Variants in KIF3C observed in about 807,000 individuals in gnomAD.
The protein encoded by KIF3C is kinesin-like protein KIF3C.
KIF3C carries 12 observed loss-of-function variants against 67.7 expected under a neutral mutation model. The observed-to-expected ratio is 0.18, with a 90% confidence interval of 0.11 to 0.29. The LOEUF (loss-of-function observed/expected upper bound fraction) is 0.29. KIF3C is among the 10% of genes least tolerant of loss of function. The probability of loss-of-function intolerance (pLI) is 1.00; values close to 1 mark genes in which losing one functional copy is unlikely to be tolerated. For missense variants in KIF3C, 789 were observed against 1,059.6 expected, an observed-to-expected ratio of 0.74 and a Z score of 3.55; for synonymous variants, 393 against 426.2, an observed-to-expected ratio of 0.92 and a Z score of 0.96.
chr2:25,976,887 T>C (rs1481708054), intron 1 of KIF3C, among the ~76,000 whole-genome samples: 3 of 152,232 alleles, frequency 2.0e-5, no homozygotes, highest in Non-Finnish European at 2.9e-5. Context: ...GCAGTATGTA[T>C]ACTGCGCACA....
rs184371895 is a variant in KIF3C at position 25,934,807 on chromosome 2, C to T, written c.2007-4744G>A. 3.8e-3 allele frequency among the ~76,000 whole-genome samples: 579 copies of T among 152,208 alleles called. 3 individuals carry two copies. Among genetic ancestry groups the T allele is most frequent in the African/African-American group, 0.013 (528 of 41,554 alleles). On this transcript the variant is annotated intron_variant, in intron 5 of 7. Transcript: ENST00000264712. ...AGCCTCAGAGACTCATGCTTGTAAT[C>T]CCCACGCTTTGGGAGGCCGAGGTGG...
In KIF3C at chr2:25,958,746, G is replaced by A. The variant is rs1663872019; in HGVS notation, c.1546-2302C>T. On this transcript the variant is annotated intron_variant, in intron 1 of 7. Transcript: ENST00000264712. This position sits in a 1 kb window ranked among gnomAD's most constrained non-coding sequence, Gnocchi z 4.5. Reference sequence around the variant, plus strand: ...GTTCCTCTTACTATTCATGCTCTGCGTATGCTCTGTACTCCAGCCTCACCA... The same window carrying A: ...GTTCCTCTTACTATTCATGCTCTGCATATGCTCTGTACTCCAGCCTCACCA... Among the ~76,000 whole-genome samples the A allele has an allele frequency of 6.6e-6, 1 of 152,136 alleles. No homozygotes were observed. The highest frequency in any genetic ancestry group is 1.5e-5 in the Non-Finnish European group (1 of 68,028).
chr2:25,942,513 C>G (rs1030367144), intron 5 of KIF3C, among the ~76,000 whole-genome samples: 3 of 151,450 alleles, frequency 2.0e-5, no homozygotes, highest in Non-Finnish European at 4.4e-5. Flanking sequence ...TGGGTTCAAG[C>G]GATTCTCCTG....
chr2:25,959,041 TCCA>T (rs1663880662), intron 1 of KIF3C, among the ~76,000 whole-genome samples: 3 of 151,840 alleles, frequency 2.0e-5, no homozygotes, highest in Non-Finnish European at 4.4e-5. Flanking sequence ...GCCATTGTAC[TCCA>T]GCCTGGGCAA....
chr2:25,935,834 T>G (rs1308717433), intron 5 of KIF3C, among the ~76,000 whole-genome samples: 1 of 151,978 alleles, frequency 6.6e-6, no homozygotes, highest in East Asian at 1.9e-4. Flanking sequence ...TCCCAGCACT[T>G]TGGGAGGCCA....
At position 25,951,769 on chromosome 2, in the gene KIF3C, C is replaced by T. The variant is rs771774727; in HGVS notation, c.2006+20G>A. ...GGACCCACAAGTCCCCCAGCCCAGA[C>T]AGCTGGGTTAGAGACTCACACGCCG... On this transcript the variant is annotated intron_variant, in intron 5 of 7. Transcript: ENST00000264712. The T allele has an allele frequency of 5.8e-6, 9 of 1,557,232 alleles. No homozygotes were observed. The highest frequency in any genetic ancestry group is 6.2e-6 in the Non-Finnish European group (7 of 1,129,144).
chr2:25,981,355 A>G lies in KIF3C; in HGVS notation c.563T>C (p.Val188Ala). ...GTTCATCACATGCTCAATCTCCTTG[A>G]CATTCTTGGTGACGAAGGAGGAGAG... ...KDLSSFVTKN[V>A]KEIEHVMNLG... The change falls in exon 1 of 8, where the codon GTC (valine) becomes GCC (alanine). Residue 188 changes from valine to alanine, a missense_variant. Val to Ala is a moderately conservative substitution (Grantham distance 64). Around this residue, in one of 2 missense-constraint regions of KIF3C, gnomAD observed 141 missense variants for 251.8 expected, o/e 0.56. Transcript: ENST00000264712. The surrounding 1 kb of genome is among the most constrained non-coding windows in gnomAD (Gnocchi z 8.2). 1 of 1,614,008 alleles carries G rather than the reference A, an allele frequency of 6.2e-7. No homozygotes were observed. Among genetic ancestry groups the G allele is most frequent in the Non-Finnish European group, 8.5e-7 (1 of 1,179,964 alleles).
chr2:25,962,850 A>AAAAT (rs1553715888), intron 1 of KIF3C, among the ~76,000 whole-genome samples: 3 of 55,604 alleles, frequency 5.4e-5, no homozygotes, highest in African/African-American at 1.0e-4. Context: ...TATAATATAT[A>AAAAT]ATATAATATA....
Position 25,929,464 on chromosome 2 carries a change from A to G in KIF3C, c.2129T>C (p.Met710Thr), listed in dbSNP as rs367912211. Reference protein sequence around the residue: ...SHPRYRAENIMFLELDVSPPA... With the variant: ...SHPRYRAENITFLELDVSPPA... Reference sequence around the variant, plus strand: ...AGGGGACACATCCAACTCCAGAAACATTATGTTTTCAGCCTGTGGTGGGAA... The same window carrying G: ...AGGGGACACATCCAACTCCAGAAACGTTATGTTTTCAGCCTGTGGTGGGAA... Residue 710 changes from methionine (M) to threonine (T), a missense_variant, in exon 7 of 8, where the codon ATG becomes ACG. Physicochemically the swap from Met to Thr is moderately conservative, Grantham distance 81 (BLOSUM62 -1). This residue lies in a region of KIF3C where 648 missense variants were observed against 807.8 expected (regional missense o/e 0.80). Transcript: ENST00000264712. The G allele has an allele frequency of 1.8e-5, 29 of 1,613,892 alleles. No individual in the cohort carries two copies. The highest frequency in any genetic ancestry group is 2.4e-5 in the Non-Finnish European group (28 of 1,179,940).
At chr2:25,964,384 A>T (rs1192855598) in intron 1 of KIF3C, among the ~76,000 whole-genome samples, 3 of 150,426 alleles carry the variant, frequency 2.0e-5, no homozygotes, top group Non-Finnish European at 4.4e-5. Flanking sequence ...TATATTCTCC[A>T]TACCTTTAAG....
chr2:25,950,894 TAA>T (rs10561610), intron 5 of KIF3C, among the ~76,000 whole-genome samples: 39,497 of 134,468 alleles, frequency 0.29, 6,055 homozygotes, highest in African/African-American at 0.46. Flanking sequence ...CTATAGTTGT[TAA>T]AAAAAAAAAA....
chr2:25,962,812 A>ATATAT (rs1282842380), intron 1 of KIF3C, among the ~76,000 whole-genome samples: 1 of 79,954 alleles, frequency 1.3e-5, no homozygotes, highest in African/African-American at 6.6e-5. Context: ...AATATATAAT[A>ATATAT]TATATAATAT....
At chr2:25,954,087 C>A (rs547623264) in intron 4 of KIF3C, 180 bp downstream of exon 4, 4 of 639,092 alleles carry the variant, frequency 6.3e-6, no homozygotes, top group Non-Finnish European at 1.1e-5. Context: ...TCATCAAATA[C>A]AGGCAGAGGA....
At chr2:25,978,131 G>A (rs1399766103) in intron 1 of KIF3C, among the ~76,000 whole-genome samples, 1 of 152,120 alleles carries the variant, frequency 6.6e-6, no homozygotes, top group Non-Finnish European at 1.5e-5. Context: ...AGCAAACATG[G>A]AGGAATCTGA....
At chr2:25,932,950 A>T (rs994591808) in intron 5 of KIF3C, among the ~76,000 whole-genome samples, 1 of 151,440 alleles carries the variant, frequency 6.6e-6, no homozygotes. Flanking sequence ...AGATTAATGA[A>T]ATAGAACTGA....
intron 5 of KIF3C, among the ~76,000 whole-genome samples, chr2:25,949,141 GTAA>G: frequency 6.6e-6 from 1 of 152,304 alleles, no homozygotes; most frequent in South Asian, 2.1e-4. Context: ...GGAAGTACAG[GTAA>G]AAGGTCAAAA....
At chr2:25,953,509 C>T (rs567936062) in intron 4 of KIF3C, among the ~76,000 whole-genome samples, 19 of 151,008 alleles carry the variant, frequency 1.3e-4, no homozygotes, top group African/African-American at 3.6e-4. Flanking sequence ...TACAGGCGCC[C>T]GCCACCACTC....
At chr2:25,973,192 C>T (rs1253902022) in intron 1 of KIF3C, among the ~76,000 whole-genome samples, 1 of 152,126 alleles carries the variant, frequency 6.6e-6, no homozygotes, top group African/African-American at 2.4e-5. Flanking sequence ...GACATTCGGT[C>T]TCTCCTTGAA....
At position 25,954,264 on chromosome 2, in the gene KIF3C, T is replaced by C; in HGVS notation, c.1889+3A>G. 2 of 1,610,402 alleles carry C rather than the reference T, an allele frequency of 1.2e-6. No individual in the cohort carries two copies. The highest frequency in any genetic ancestry group is 1.7e-6 in the Non-Finnish European group (2 of 1,176,652). On this transcript the variant is annotated splice_donor_region_variant and intron_variant, in intron 4 of 7. Transcript: ENST00000264712. ...CCGGGATGAAAAGAGCTGCGGGCCCTACTTGAGCTTGAGTTCGCGGGTCTG... is the reference window on the plus strand; with the variant it reads ...CCGGGATGAAAAGAGCTGCGGGCCCCACTTGAGCTTGAGTTCGCGGGTCTG...
Sources: gnomAD v4.1 joint callset for allele counts (sites outside exome capture counted in the v4.1 genomes callset) on GRCh38, gnomAD v4.1.1 for gene constraint, gnomAD v4.1.1 regional missense constraint, Gnocchi (gnomAD v3.1) non-coding constraint, MANE v1.5 for transcripts, NCBI Gene and HGNC (gene_info 2026-07-23, HGNC 2026-07-21) for gene names.